The following EPHA3 variants were observed in gnomAD, a reference collection of about 807,000 sequenced individuals.
EPHA3 encodes EPH receptor A3.
A neutral mutation model predicts 107.1 loss-of-function variants in EPHA3; 42 were observed. The ratio of observed to expected loss-of-function variants is 0.39; its 90% CI spans 0.31 to 0.51. The LOEUF is 0.51. Among genes scored for constraint, EPHA3 ranks in the 20% least tolerant of loss-of-function variants. EPHA3 has a pLI of 0.78. For missense variants in EPHA3, 1,183 were observed against 1,211.2 expected (o/e 0.98, Z 0.35); for synonymous variants, 461 against 424.8 (o/e 1.09, Z -1.05).
chr3:89,227,075 C>G (rs1250024524), intron 3 of EPHA3, among the ~76,000 whole-genome samples: 1 of 151,998 alleles, frequency 6.6e-6, no homozygotes, highest in African/African-American at 2.4e-5. Context: ...ACTTGTTACT[C>G]AGGTGTCCAT....
intron 5 of EPHA3, among the ~76,000 whole-genome samples, chr3:89,362,166 G>A (rs1013796925): frequency 1.3e-4 from 19 of 150,960 alleles, no homozygotes; most frequent in African/African-American, 1.2e-4. Flanking sequence ...TTCTTCAAGC[G>A]CAAGTAGCTG....
chr3:89,447,897 C>T (rs1709907962), intron 13 of EPHA3, among the ~76,000 whole-genome samples: 1 of 152,122 alleles, frequency 6.6e-6, no homozygotes, highest in Admixed American at 6.6e-5. Context: ...CCCCCTTGAG[C>T]ATCACTTCAA....
intron 3 of EPHA3, among the ~76,000 whole-genome samples, chr3:89,239,735 C>A (rs1178102191): frequency 3.3e-5 from 5 of 152,104 alleles, no homozygotes; most frequent in Non-Finnish European, 2.9e-5. Flanking sequence ...TTTCAGTAAT[C>A]TCTGCACAAG....
At position 89,345,171 on chromosome 3, in the gene EPHA3, G is replaced by A. The variant is rs143605588; in HGVS notation, c.1306+3081G>A. Among the ~76,000 whole-genome samples, 923 of 151,008 alleles carry A rather than the reference G, an allele frequency of 6.1e-3. 36 individuals are homozygous for A. The highest frequency in any genetic ancestry group is 9.7e-3 in the Non-Finnish European group (656 of 67,468). ...ATCTGCCGCTTTCCACTATTCTATAGCATATAATGATCTCAGACTAGAATA... is the reference window on the plus strand; with the variant it reads ...ATCTGCCGCTTTCCACTATTCTATAACATATAATGATCTCAGACTAGAATA... On this transcript the variant is annotated intron_variant, in intron 5 of 16. Transcript: ENST00000336596.
At chr3:89,409,269 G>T (rs1193174717) in intron 9 of EPHA3, among the ~76,000 whole-genome samples, 1 of 152,018 alleles carries the variant, frequency 6.6e-6, no homozygotes, top group Non-Finnish European at 1.5e-5. Context: ...TAAAAAGAAT[G>T]CCTGAACAAG....
intron 2 of EPHA3, among the ~76,000 whole-genome samples, chr3:89,162,945 G>C (rs148094613): frequency 6.6e-6 from 1 of 152,286 alleles, no homozygotes; most frequent in African/African-American, 2.4e-5. Context: ...CAATGAAGAG[G>C]TATTCAGGTG....
At chr3:89,334,737 C>A (rs1284964126) in intron 3 of EPHA3, among the ~76,000 whole-genome samples, 6 of 152,060 alleles carry the variant, frequency 3.9e-5, no homozygotes, top group Non-Finnish European at 7.4e-5. Context: ...TAGGGTAGAA[C>A]CTTAGAGTTA....
intron 2 of EPHA3, among the ~76,000 whole-genome samples, chr3:89,192,476 A>G (rs1705743413): frequency 6.6e-6 from 1 of 152,020 alleles, no homozygotes; most frequent in Non-Finnish European, 1.5e-5. Flanking sequence ...ACATACACTA[A>G]GAAATATTTT....
chr3:89,251,906 A>G (rs551997006), intron 3 of EPHA3, among the ~76,000 whole-genome samples: 9 of 152,204 alleles, frequency 5.9e-5, no homozygotes, highest in Non-Finnish European at 1.0e-4. Flanking sequence ...ATTTTAAAGT[A>G]TGTTTTGTAT....
At chr3:89,239,730 G>A (rs1272999994) in intron 3 of EPHA3, among the ~76,000 whole-genome samples, 1 of 152,062 alleles carries the variant, frequency 6.6e-6, no homozygotes, top group Middle Eastern at 3.2e-3. Flanking sequence ...ATATTTTTCA[G>A]TAATCTCTGC....
intron 3 of EPHA3, among the ~76,000 whole-genome samples, chr3:89,279,416 C>T (rs187691457): frequency 2.0e-5 from 3 of 151,934 alleles, no homozygotes; most frequent in Non-Finnish European, 2.9e-5. Flanking sequence ...TTATGTTTGC[C>T]ATCATTAATT....
At chr3:89,445,195 G>A (rs1709856106) in intron 13 of EPHA3, among the ~76,000 whole-genome samples, 2 of 152,090 alleles carry the variant, frequency 1.3e-5, no homozygotes, top group Admixed American at 6.6e-5. Flanking sequence ...GAGCCTGAGA[G>A]GGGGAGGTTG....
chr3:89,440,292 A>G (rs1709758887), intron 13 of EPHA3, among the ~76,000 whole-genome samples: 1 of 152,174 alleles, frequency 6.6e-6, no homozygotes, highest in African/African-American at 2.4e-5. Flanking sequence ...TAAATACTCA[A>G]TTACTTGGGT....
intron 10 of EPHA3, 142 bp downstream of exon 10, chr3:89,413,408 T>TA: frequency 9.8e-7 from 1 of 1,019,086 alleles, no homozygotes. Context: ...GTGCAATATT[T>TA]AATGGAATGT....
intron 15 of EPHA3, among the ~76,000 whole-genome samples, chr3:89,455,930 A>G (rs1439434347): frequency 6.6e-6 from 1 of 152,122 alleles, no homozygotes; most frequent in Admixed American, 6.6e-5. Flanking sequence ...CTTTTTAACT[A>G]TCCATTTTCT....
chr3:89,188,884 C>T lies in EPHA3; in HGVS notation c.154-20976C>T, dbSNP rs1208920689. Among the ~76,000 whole-genome samples, 4 of 152,128 alleles carry T rather than the reference C, an allele frequency of 2.6e-5. No individual in the cohort carries two copies. In the East Asian group the frequency reaches 5.8e-4, roughly 22 times the overall value. Reference sequence around the variant, plus strand: ...TCTTTTTCCTCCTTAAAAGTAGGTTCCATGAAACTTGAGACTGCTATTTGT... The same window carrying T: ...TCTTTTTCCTCCTTAAAAGTAGGTTTCATGAAACTTGAGACTGCTATTTGT... On this transcript the variant is annotated intron_variant, in intron 2 of 16. Coordinates refer to ENST00000336596, the MANE Select transcript of EPHA3 (RefSeq NM_005233.6).
intron 13 of EPHA3, among the ~76,000 whole-genome samples, chr3:89,446,218 A>G (rs1007383007): frequency 6.6e-6 from 1 of 152,204 alleles, no homozygotes; most frequent in Non-Finnish European, 1.5e-5. Flanking sequence ...ATTTCATTAG[A>G]GAACATACTG....
chr3:89,432,323 C>A (rs950978167), intron 13 of EPHA3, among the ~76,000 whole-genome samples: 1 of 152,046 alleles, frequency 6.6e-6, no homozygotes, highest in African/African-American at 2.4e-5. Context: ...TAATTTGCAT[C>A]CATTTAATTC....
Position 89,414,388 on chromosome 3 carries a change from CT to C in EPHA3, c.1888+1128del, listed in dbSNP as rs201173779. On this transcript the variant is annotated intron_variant, in intron 10 of 16. Coordinates refer to ENST00000336596, the MANE Select transcript of EPHA3 (RefSeq NM_005233.6). ...TAGAAAGAAAATGGAGTAGTAACTTCTTTTTTACAATCTAAGACTTGAGAGT... is the reference window on the plus strand; with the variant it reads ...TAGAAAGAAAATGGAGTAGTAACTTCTTTTTACAATCTAAGACTTGAGAGT... Among the ~76,000 whole-genome samples, 475 of 151,688 alleles carry C rather than the reference CT, an allele frequency of 3.1e-3. 16 individuals are homozygous for C. The East Asian group carries it at 0.044, about 14-fold the overall frequency.
Sources: gnomAD v4.1 joint callset for allele counts (sites outside exome capture counted in the v4.1 genomes callset) on GRCh38, gnomAD v4.1.1 for gene constraint, MANE v1.5 for transcripts, NCBI Gene and HGNC (gene_info 2026-07-23, HGNC 2026-07-21) for gene names.